Variants in RNASET2 observed in about 807,000 individuals in gnomAD.
The protein encoded by RNASET2 is ribonuclease T2.
RNASET2 carries 28 observed loss-of-function variants against 33.9 expected under a neutral mutation model. The ratio of observed to expected loss-of-function variants is 0.83; its 90% CI spans 0.61 to 1.13. The LOEUF is 1.13. Ranked by LOEUF, RNASET2 falls within the 50% of genes most tolerant of loss-of-function variation. The pLI is 0.00. For missense variants in RNASET2, 330 were observed against 319.9 expected (o/e 1.03, Z -0.24); for synonymous variants, 123 against 121.0 (o/e 1.02, Z -0.11).
chr6:166,929,501 G>T lies in RNASET2; in HGVS notation c.*87C>A. On this transcript the variant is annotated 3_prime_UTR_variant, in exon 9 of 9. Coordinates refer to ENST00000508775, the MANE Select transcript of RNASET2 (RefSeq NM_003730.6). The stretch of plus-strand genomic sequence containing the variant: ...TGGAGGGGAAACAGCAAAATAAACA[G>T]ACTTCACTTTGGAGTTGTTTTTTAG... 7.3e-7 allele frequency: 1 copy of T among 1,367,574 alleles called. No homozygotes were observed. Among genetic ancestry groups the T allele is most frequent in the Non-Finnish European group, 1.0e-6 (1 of 957,508 alleles). The allele number at this position is 1,367,574 out of a possible 1,614,324, so 84.7% of individuals were successfully genotyped here.
intron 3 of RNASET2, chr6:166,948,349 A>G (rs1306801358): frequency 6.7e-6 from 3 of 446,958 alleles, no homozygotes; most frequent in Non-Finnish European, 1.2e-5. Flanking sequence ...CTGTCTCAGA[A>G]AAAAAAAAAA....
Position 166,937,038 on chromosome 6 carries a change from G to A in RNASET2, c.446+1857C>T, listed in dbSNP as rs186935163. ...ATCTTTCTTGTCATCTCCAAAGTGG[G>A]TCCTACCCTGCCAGTCTTTCAGCAA... On this transcript the variant is annotated intron_variant, in intron 6 of 8. Coordinates refer to ENST00000508775, the MANE Select transcript of RNASET2 (RefSeq NM_003730.6). 2.0e-3 allele frequency among the ~76,000 whole-genome samples: 306 copies of A among 152,258 alleles called. 1 individual carries two copies. The highest frequency in any genetic ancestry group is 6.9e-3 in the African/African-American group (288 of 41,550).
At position 166,926,859 on chromosome 6, in the gene RNASET2, G is replaced by A. The variant is rs543086312; in HGVS notation, c.*2729C>T. Reference sequence around the variant, plus strand: ...CACGGGTCCTCTTTTCCATGGTGCCGCAGAGATGCTCCAGGCAGACGCCTG... The same window carrying A: ...CACGGGTCCTCTTTTCCATGGTGCCACAGAGATGCTCCAGGCAGACGCCTG... On this transcript the variant is annotated 3_prime_UTR_variant, in exon 9 of 9. Transcript: ENST00000508775. 1.4e-4 allele frequency among the ~76,000 whole-genome samples: 21 copies of A among 152,158 alleles called. No homozygotes were observed. Among genetic ancestry groups the A allele is most frequent in the Non-Finnish European group, 2.4e-4 (16 of 68,032 alleles).
chr6:166,952,462 G>T, intron 2 of RNASET2, 26 bp downstream of exon 2: 1 of 1,609,572 alleles, frequency 6.2e-7, no homozygotes, highest in Non-Finnish European at 8.5e-7. Flanking sequence ...CCAGGCCCCA[G>T]GGCCCGTCAA....
In RNASET2 at chr6:166,927,233, A is replaced by G. The variant is rs749372636; in HGVS notation, c.*2355T>C. Among the ~76,000 whole-genome samples the G allele has an allele frequency of 2.6e-5, 4 of 152,284 alleles. No homozygotes were observed. Among genetic ancestry groups the G allele is most frequent in the Non-Finnish European group, 2.9e-5 (2 of 68,026 alleles). ...CTTCCCCTTCTGTCTCCTGCGGCTC[A>G]TAAGTGCCTTATACTTACATGATCT... On this transcript the variant is annotated 3_prime_UTR_variant, in exon 9 of 9. Transcript: ENST00000508775.
At chr6:166,947,894 C>A (rs1429762590) in intron 3 of RNASET2, among the ~76,000 whole-genome samples, 1 of 152,072 alleles carries the variant, frequency 6.6e-6, no homozygotes, top group East Asian at 1.9e-4. Context: ...GCAGACAAAA[C>A]CAGAATAATA....
chr6:166,953,487 C>G (rs114629159), intron 1 of RNASET2: 1 of 152,202 alleles, frequency 6.6e-6, no homozygotes. Context: ...CACACATTAG[C>G]TTTTGTAAAT....
chr6:166,938,259 G>A (rs536252709), intron 6 of RNASET2, among the ~76,000 whole-genome samples: 13 of 152,200 alleles, frequency 8.5e-5, no homozygotes, highest in Admixed American at 4.6e-4. Context: ...GAAACGTCCC[G>A]ACGGAGAGGT....
chr6:166,931,492 T>C, intron 7 of RNASET2: 1 of 333,422 alleles, frequency 3.0e-6, no homozygotes, highest in South Asian at 2.9e-5. Context: ...CCCATAAAGC[T>C]TTCTCAGCCC....
chr6:166,950,450 T>C (rs1261393948), intron 2 of RNASET2, among the ~76,000 whole-genome samples: 1 of 152,118 alleles, frequency 6.6e-6, no homozygotes, highest in Non-Finnish European at 1.5e-5. Context: ...ATAAGCAAAA[T>C]TTCATTTTCG....
In RNASET2 at chr6:166,956,283, C is replaced by A. The variant is rs1459087584; in HGVS notation, c.-101G>T. The A allele has an allele frequency of 1.7e-6, 2 of 1,158,356 alleles. No homozygotes were observed. Among genetic ancestry groups the A allele is most frequent in the Non-Finnish European group, 1.3e-6 (1 of 793,744 alleles). 71.8% of individuals were successfully genotyped at this position (1,158,356 alleles called of 1,614,324 possible). On this transcript the variant is annotated 5_prime_UTR_variant, in exon 1 of 9. Transcript: ENST00000508775. Reference sequence around the variant, plus strand: ...TCCGGGAGAAACGCTGTCTCCGAGCCCCCGCGCCGCCGCGCTCCCTCCGCT... The same window carrying A: ...TCCGGGAGAAACGCTGTCTCCGAGCACCCGCGCCGCCGCGCTCCCTCCGCT...
chr6:166,956,053 G>T, intron 1 of RNASET2, 44 bp downstream of exon 1: 1 of 1,527,882 alleles, frequency 6.5e-7, no homozygotes, highest in Non-Finnish European at 8.9e-7. Context: ...AAGCTCTAGG[G>T]CCCGGCTCCC....
rs139552047 is a variant in RNASET2 at position 166,929,594 on chromosome 6, C to T, written c.765G>A (p.Lys255=). Residue 255 remains lysine (K), a synonymous_variant, in exon 9 of 9, where the codon AAG becomes AAA. Coordinates refer to ENST00000508775, the MANE Select transcript of RNASET2 (RefSeq NM_003730.6). ...TATTTCCAAAACTTGGGCATCAATGCTTGGTCTTTTTAGGTGGGGGATAGA... is the reference window on the plus strand; with the variant it reads ...TATTTCCAAAACTTGGGCATCAATGTTTGGTCTTTTTAGGTGGGGGATAGA... ...PVFYPPPKKT[K]H is the part of the protein sequence containing the mutation. The T allele has an allele frequency of 5.1e-5, 82 of 1,614,116 alleles. No homozygotes were observed. Among genetic ancestry groups the T allele is most frequent in the African/African-American group, 3.5e-4 (26 of 75,056 alleles).
Position 166,925,294 on chromosome 6 carries a change from T to C in RNASET2, c.*4294A>G, listed in dbSNP as rs1193007318. Among the ~76,000 whole-genome samples the C allele has an allele frequency of 1.3e-5, 2 of 149,210 alleles. No individual in the cohort carries two copies. The highest frequency in any genetic ancestry group is 5.0e-5 in the African/African-American group (2 of 40,168). On this transcript the variant is annotated 3_prime_UTR_variant, in exon 9 of 9. Transcript: ENST00000508775. ...CTGCCCAGGCCTCATCTATGCCACT[T>C]AGCCCTCACCCATGCCATCTAGCCC...
At chr6:166,935,800 C>A (rs1030185688) in intron 6 of RNASET2, among the ~76,000 whole-genome samples, 1 of 152,156 alleles carries the variant, frequency 6.6e-6, no homozygotes, top group African/African-American at 2.4e-5. Context: ...GCCTCAGCCT[C>A]CTGAGTAGCT....
Position 166,923,122 on chromosome 6 carries a change from CTGT to C in RNASET2, c.*6463_*6465del. Among the ~76,000 whole-genome samples, 1 of 152,150 alleles carries C rather than the reference CTGT, an allele frequency of 6.6e-6. No individual in the cohort carries two copies. The highest frequency in any genetic ancestry group is 6.5e-5 in the Admixed American group (1 of 15,282). ...TTTCTTTTGGAGATGGAGTCTCACT[CTGT>C]TGCCCAGGCTGGAGGGTGGAGCGCA... is the stretch of plus-strand genomic sequence containing the variant. On this transcript the variant is annotated 3_prime_UTR_variant, in exon 9 of 9. Transcript: ENST00000508775.
Position 166,956,258 on chromosome 6 carries a change from TC to T in RNASET2, c.-77del, listed in dbSNP as rs886061244. ...TCCCACCTGCTGCCCGAGGAAGACT[TC>T]CGGGAGAAACGCTGTCTCCGAGCCC... On this transcript the variant is annotated 5_prime_UTR_variant, in exon 1 of 9. Coordinates refer to ENST00000508775, the MANE Select transcript of RNASET2 (RefSeq NM_003730.6). 799 of 1,358,140 alleles carry T rather than the reference TC, an allele frequency of 5.9e-4. No individual in the cohort carries two copies. Among genetic ancestry groups the T allele is most frequent in the Non-Finnish European group, 7.6e-4 (740 of 973,784 alleles). 84.1% of individuals were successfully genotyped at this position (1,358,140 alleles called of 1,614,324 possible).
At position 166,946,698 on chromosome 6, in the gene RNASET2, T is replaced by C. The variant is rs1441873284; in HGVS notation, c.245A>G (p.Asn82Ser). Reference protein sequence around the residue: ...SEGCNRSWPFNLEEIKDLLPE... With the variant: ...SEGCNRSWPFSLEEIKDLLPE... ...AGTCAATACCTTAATCTCTTCTAAA[T>C]TGAAGGGCCACGATCTATTACATCC... is the stretch of plus-strand genomic sequence containing the variant. The change falls in exon 4 of 9, where the codon AAT (asparagine) becomes AGT (serine). Residue 82 changes from asparagine (N) to serine (S), a missense_variant. Physicochemically the swap from Asn to Ser is conservative, Grantham distance 46 (BLOSUM62 1). Transcript: ENST00000508775. 8 of 1,558,368 alleles carry C rather than the reference T, an allele frequency of 5.1e-6. No individual in the cohort carries two copies. The highest frequency in any genetic ancestry group is 3.5e-5 in the Admixed American group (2 of 57,552).
At chr6:166,935,388 C>T (rs775104728) in intron 6 of RNASET2, among the ~76,000 whole-genome samples, 5 of 152,098 alleles carry the variant, frequency 3.3e-5, no homozygotes, top group African/African-American at 4.8e-5. Flanking sequence ...ATCTGTGGCT[C>T]GTGTTACACG....
Sources: allele counts gnomAD v4.1 joint callset (sites outside exome capture counted in the v4.1 genomes callset), GRCh38; gene constraint gnomAD v4.1.1; transcripts MANE v1.5; gene names NCBI Gene and HGNC (gene_info 2026-07-23, HGNC 2026-07-21).